Variants in SAMD3 observed in about 807,000 individuals in gnomAD.
SAMD3 encodes the protein sterile alpha motif domain containing 3.
In SAMD3, 63 loss-of-function variants were observed where a neutral mutation model predicts 58.5. The observed-to-expected ratio is 1.08, with a 90% CI of 0.88 to 1.33. SAMD3 has a LOEUF of 1.33. Ranked by LOEUF, SAMD3 falls within the 40% of genes most tolerant of loss-of-function variation. SAMD3 has a pLI of 0.00. For synonymous variants in SAMD3, 220 were observed against 210.3 expected (o/e 1.05, Z -0.40); for missense variants, 604 against 608.4 (o/e 0.99, Z 0.08).
At chr6:130,252,233 A>G (rs768191622) in intron 2 of SAMD3, among the ~76,000 whole-genome samples, 1 of 152,046 alleles carries the variant, frequency 6.6e-6, no homozygotes, top group African/African-American at 2.4e-5. Flanking sequence ...TTGATTACTG[A>G]TTTTGAAGGG....
At chr6:130,145,488 G>C in intron 10 of SAMD3, 66 bp from the exon 11 acceptor site, 1 of 1,075,512 alleles carries the variant, frequency 9.3e-7, no homozygotes, top group Non-Finnish European at 1.4e-6. Flanking sequence ...AGCTAAGCTA[G>C]TATTGAAACA....
chr6:130,203,610 A>G (rs1162723435), intron 5 of SAMD3, among the ~76,000 whole-genome samples: 1 of 152,236 alleles, frequency 6.6e-6, no homozygotes, highest in Non-Finnish European at 1.5e-5. Flanking sequence ...GTGGTTACAT[A>G]TATTTCAATT....
chr6:130,241,749 A>C (rs1773365737), intron 2 of SAMD3, among the ~76,000 whole-genome samples: 1 of 152,136 alleles, frequency 6.6e-6, no homozygotes, highest in Non-Finnish European at 1.5e-5. Flanking sequence ...TGATGTTATC[A>C]TCTGTCCCTG....
chr6:130,245,749 C>T (rs1773520534), intron 2 of SAMD3, among the ~76,000 whole-genome samples: 1 of 152,114 alleles, frequency 6.6e-6, no homozygotes, highest in Admixed American at 6.6e-5. Context: ...CAGGGTAGGG[C>T]AAGAATTCTA....
intron 2 of SAMD3, among the ~76,000 whole-genome samples, chr6:130,308,512 C>T (rs1452054380): frequency 6.6e-6 from 1 of 151,416 alleles, no homozygotes; most frequent in East Asian, 1.9e-4. Context: ...GTTGGGCCAT[C>T]CTGGAAATAG....
intron 1 of SAMD3, among the ~76,000 whole-genome samples, chr6:130,339,249 G>A (rs1412318939): frequency 6.6e-6 from 1 of 152,016 alleles, no homozygotes; most frequent in Non-Finnish European, 1.5e-5. Context: ...GAGTTTTACT[G>A]TGTTAGCCAG....
chr6:130,185,799 A>G (rs1221377409), intron 5 of SAMD3, among the ~76,000 whole-genome samples: 2 of 151,558 alleles, frequency 1.3e-5, no homozygotes, highest in Admixed American at 1.3e-4. Context: ...CCCAGCCAAT[A>G]TTTTTTATTT....
At chr6:130,169,959 C>T (rs543057356) in intron 8 of SAMD3, among the ~76,000 whole-genome samples, 2 of 152,052 alleles carry the variant, frequency 1.3e-5, no homozygotes. Context: ...AGGAACTCCA[C>T]CTTTATTCTA....
chr6:130,315,066 T>C (rs1338131126), intron 1 of SAMD3, among the ~76,000 whole-genome samples: 2 of 152,184 alleles, frequency 1.3e-5, no homozygotes, highest in East Asian at 3.8e-4. Context: ...GCTTTTGCTT[T>C]CAAGCTAATG....
rs1015042122 is a variant in SAMD3 at position 130,176,278 on chromosome 6, A to G, written c.655-270T>C. Reference sequence around the variant, plus strand: ...TCCCAATGTCATATGGTTATTGAGTAAATATATTGGTTCTTGAACCTGGAT... The same window carrying G: ...TCCCAATGTCATATGGTTATTGAGTGAATATATTGGTTCTTGAACCTGGAT... On this transcript the variant is annotated intron_variant, in intron 7 of 11. Transcript: ENST00000439090. 11 of 426,792 alleles carry G rather than the reference A, an allele frequency of 2.6e-5. No individual in the cohort carries two copies. The Admixed American group carries it at 3.4e-4, about 13-fold the overall frequency. The allele number at this position is 426,792 out of a possible 1,614,324, so 26.4% of individuals were successfully genotyped here.
intron 1 of SAMD3, among the ~76,000 whole-genome samples, chr6:130,356,817 C>G (rs1214929614): frequency 2.6e-5 from 4 of 152,158 alleles, no homozygotes; most frequent in African/African-American, 9.7e-5. Context: ...AGTCACTTAC[C>G]TGTTGGGACT....
chr6:130,359,829 G>A (rs1381586339), intron 1 of SAMD3, among the ~76,000 whole-genome samples: 1 of 152,152 alleles, frequency 6.6e-6, no homozygotes, highest in Non-Finnish European at 1.5e-5. Context: ...GAGTGGTAAG[G>A]CTGGGAAAAT....
intron 4 of SAMD3, among the ~76,000 whole-genome samples, chr6:130,211,585 C>T (rs371500578): frequency 4.7e-4 from 71 of 152,070 alleles, no homozygotes; most frequent in African/African-American, 1.7e-3. Flanking sequence ...CGCCGAGCTG[C>T]CAATCAGAAA....
intron 2 of SAMD3, among the ~76,000 whole-genome samples, chr6:130,270,356 G>A (rs899807505): frequency 9.9e-5 from 15 of 152,206 alleles, no homozygotes; most frequent in African/African-American, 3.6e-4. Flanking sequence ...GCCTCCCAAA[G>A]TGCTGGGATT....
chr6:130,268,387 A>G (rs1055063180), intron 2 of SAMD3, among the ~76,000 whole-genome samples: 1 of 152,180 alleles, frequency 6.6e-6, no homozygotes, highest in Non-Finnish European at 1.5e-5. Context: ...TAAGGTTAAT[A>G]TATTGTTGAA....
At chr6:130,319,068 A>G (rs901729619) in intron 1 of SAMD3, among the ~76,000 whole-genome samples, 1 of 152,160 alleles carries the variant, frequency 6.6e-6, no homozygotes, top group African/African-American at 2.4e-5. Context: ...ACTTGAAGAC[A>G]TGGTAATAGA....
intron 8 of SAMD3, chr6:130,161,017 T>C (rs918488635): frequency 1.3e-5 from 2 of 151,668 alleles, no homozygotes; most frequent in Non-Finnish European, 2.9e-5. Flanking sequence ...TAAGAATTCA[T>C]GCATATGTGA....
At chr6:130,188,057 G>A (rs2114724637) in intron 5 of SAMD3, among the ~76,000 whole-genome samples, 1 of 152,218 alleles carries the variant, frequency 6.6e-6, no homozygotes, top group Middle Eastern at 3.4e-3. Flanking sequence ...TTGATACTTG[G>A]CCATATCATT....
intron 2 of SAMD3, among the ~76,000 whole-genome samples, chr6:130,302,847 C>A (rs182483882): frequency 1.3e-5 from 2 of 152,108 alleles, no homozygotes; most frequent in African/African-American, 2.4e-5. Context: ...CACAAGTTAC[C>A]ACTTATAAGT....
Sources: allele counts gnomAD v4.1 joint callset (sites outside exome capture counted in the v4.1 genomes callset), GRCh38; gene constraint gnomAD v4.1.1; transcripts MANE v1.5; gene names NCBI Gene and HGNC (gene_info 2026-07-23, HGNC 2026-07-21).